TDRD9: variants seen among roughly 807,000 people sequenced by gnomAD.
TDRD9 encodes ATP-dependent RNA helicase TDRD9.
In TDRD9, 124 loss-of-function variants were observed where a neutral mutation model predicts 172.6. The observed-to-expected ratio is 0.72, with a 90% CI of 0.62 to 0.83. The LOEUF is 0.83. Among genes scored for constraint, TDRD9 ranks in the 40% least tolerant of loss-of-function variants. The pLI, the probability that TDRD9 is intolerant of heterozygous loss-of-function variation, is 0.00. For missense variants in TDRD9, 1,479 were observed against 1,714.1 expected (o/e 0.86, Z 2.42); for synonymous variants, 619 against 617.1 (o/e 1.00, Z -0.05).
At chr14:104,023,126 G>A (rs969058122) in intron 24 of TDRD9, among the ~76,000 whole-genome samples, 1 of 134,114 alleles carries the variant, frequency 7.5e-6, no homozygotes, top group Non-Finnish European at 1.5e-5. Flanking sequence ...AGGTTGCAGT[G>A]ATGAGCTGAG....
chr14:103,948,741 T>C lies in TDRD9; in HGVS notation c.216-6923T>C, dbSNP rs564281853. ...GATACTTTAGCCAGGCACTATGGAG[T>C]GTGCCTGTAGTTCCTTCTACTTAGG... is the stretch of plus-strand genomic sequence containing the variant. On this transcript the variant is annotated intron_variant, in intron 1 of 35. Coordinates refer to ENST00000409874, the MANE Select transcript of TDRD9 (RefSeq NM_153046.3). Among the ~76,000 whole-genome samples, 23 of 152,096 alleles carry C rather than the reference T, an allele frequency of 1.5e-4. No homozygotes were observed. The East Asian group carries it at 2.5e-3, about 17-fold the overall frequency.
chr14:104,051,976 A>C lies in TDRD9; in HGVS notation c.4048-5A>C, dbSNP rs771183882. 1.9e-6 allele frequency: 3 copies of C among 1,584,182 alleles called. No homozygotes were observed. In the South Asian group the frequency reaches 3.5e-5, roughly 18 times the overall value. On this transcript the variant is annotated splice_polypyrimidine_tract_variant and splice_region_variant and intron_variant, in intron 35 of 35. Coordinates refer to ENST00000409874, the MANE Select transcript of TDRD9 (RefSeq NM_153046.3). ...CCTGACTGGTCCGCTTGTCTACCCCATTAGGTTGATCCAAAGCTGGTCATG... is the reference window on the plus strand; with the variant it reads ...CCTGACTGGTCCGCTTGTCTACCCCCTTAGGTTGATCCAAAGCTGGTCATG...
At chr14:103,940,997 G>A (rs1177466783) in intron 1 of TDRD9, 1 of 1,535,376 alleles carries the variant, frequency 6.5e-7, no homozygotes, top group East Asian at 2.4e-5. Context: ...AGGTCCTCTT[G>A]CTCACTCCCT....
chr14:104,002,335 A>G (rs1166801568), intron 13 of TDRD9, among the ~76,000 whole-genome samples: 2 of 116,906 alleles, frequency 1.7e-5, no homozygotes. Flanking sequence ...AAAAAAAAAA[A>G]AAGAAAAAAA....
At chr14:103,982,426 A>AAGGTG (rs2033510265) in intron 7 of TDRD9, among the ~76,000 whole-genome samples, 1 of 152,150 alleles carries the variant, frequency 6.6e-6, no homozygotes, top group Admixed American at 6.5e-5. Flanking sequence ...GGAGAGCTCT[A>AAGGTG]GGTAAGTCCT....
chr14:103,987,028 C>T (rs1382399475), intron 8 of TDRD9, among the ~76,000 whole-genome samples: 3 of 152,060 alleles, frequency 2.0e-5, no homozygotes, highest in African/African-American at 4.8e-5. Context: ...GCAGAGGAAT[C>T]GCTTGAACCT....
Position 104,018,000 on chromosome 14 carries a change from T to C in TDRD9, c.2332-92T>C, listed in dbSNP as rs933792326. 1.6e-5 allele frequency: 12 copies of C among 740,130 alleles called. No individual in the cohort carries two copies. In the Admixed American group the frequency reaches 1.8e-4, roughly 11 times the overall value. 45.8% of individuals were successfully genotyped at this position (740,130 alleles called of 1,614,324 possible). On this transcript the variant is annotated intron_variant, in intron 22 of 35. Transcript: ENST00000409874. ...GATAGTAAACTATGTTTTTAGAAAC[T>C]AAAACAGTGTGCAGCAGCTTTGAGC...
chr14:103,968,773 G>A (rs1238427007), intron 5 of TDRD9, among the ~76,000 whole-genome samples: 2 of 21,872 alleles, frequency 9.1e-5, no homozygotes, highest in South Asian at 2.7e-3. Flanking sequence ...TCCAGCCTGG[G>A]CGACAGAGTG....
intron 1 of TDRD9, among the ~76,000 whole-genome samples, chr14:103,938,475 G>A (rs1219398706): frequency 8.5e-6 from 1 of 117,532 alleles, no homozygotes; most frequent in Non-Finnish European, 1.6e-5. Flanking sequence ...GTCTCGCTCT[G>A]TTGCGCAGGC....
chr14:103,952,728 TC>T (rs1448386791), intron 1 of TDRD9, among the ~76,000 whole-genome samples: 28 of 99,698 alleles, frequency 2.8e-4, no homozygotes, highest in African/African-American at 8.2e-4. Context: ...GAATTCTCTC[TC>T]TTTTTTTTTT....
chr14:104,007,707 C>T (rs1255978393), intron 19 of TDRD9, among the ~76,000 whole-genome samples: 1 of 150,050 alleles, frequency 6.7e-6, no homozygotes, highest in East Asian at 1.9e-4. Flanking sequence ...GTTTACAGGT[C>T]TGCCGTTTCT....
intron 8 of TDRD9, among the ~76,000 whole-genome samples, chr14:103,986,618 G>A (rs1247637569): frequency 3.9e-5 from 6 of 152,102 alleles, no homozygotes; most frequent in African/African-American, 7.2e-5. Flanking sequence ...TCTTAATGCT[G>A]GGGTAAAACT....
Position 103,941,123 on chromosome 14 carries a change from G to T in TDRD9, c.215+12399G>T, listed in dbSNP as rs539919880. The T allele has an allele frequency of 3.8e-5, 58 of 1,517,840 alleles. No homozygotes were observed. The African/African-American group carries it at 7.2e-4, about 19-fold the overall frequency. The allele number at this position is 1,517,840 out of a possible 1,614,324, so 94.0% of individuals were successfully genotyped here. The stretch of plus-strand genomic sequence containing the variant: ...CGAAATCTAGAGGGGAAATGGTAAT[G>T]AATATTCAGTTTAGAACATTTTTTG... On this transcript the variant is annotated intron_variant, in intron 1 of 35. Transcript: ENST00000409874.
At chr14:104,047,446 T>G (rs1272322216) in intron 34 of TDRD9, among the ~76,000 whole-genome samples, 2 of 152,214 alleles carry the variant, frequency 1.3e-5, no homozygotes, top group East Asian at 3.8e-4. Flanking sequence ...CTTCTTGTTT[T>G]AAGGCCTATT....
At chr14:103,988,514 C>T (rs28545507) in intron 8 of TDRD9, among the ~76,000 whole-genome samples, 7,327 of 152,084 alleles carry the variant, frequency 0.048, 338 homozygotes, top group Admixed American at 0.16. Flanking sequence ...TTTGATTGGG[C>T]TGTTTAATCC....
At chr14:104,034,230 G>C (rs1172769282) in intron 31 of TDRD9, among the ~76,000 whole-genome samples, 161 bp downstream of exon 31, 1 of 116,724 alleles carries the variant, frequency 8.6e-6, no homozygotes, top group Non-Finnish European at 1.6e-5. Flanking sequence ...TTGCTCTGTC[G>C]CCCAGGCTAG....
At chr14:103,954,204 A>C (rs1235775592) in intron 1 of TDRD9, among the ~76,000 whole-genome samples, 1 of 152,232 alleles carries the variant, frequency 6.6e-6, no homozygotes, top group Non-Finnish European at 1.5e-5. Context: ...TTTCAAAATG[A>C]TACACATTAA....
At chr14:103,976,099 C>T (rs1375740202) in intron 7 of TDRD9, among the ~76,000 whole-genome samples, 1 of 152,174 alleles carries the variant, frequency 6.6e-6, no homozygotes, top group African/African-American at 2.4e-5. Context: ...GATCAGCCTT[C>T]TTAGCGTCCA....
At position 104,034,086 on chromosome 14, in the gene TDRD9, G is replaced by A. The variant is rs2035369672; in HGVS notation, c.3619+17G>A. 2.0e-6 allele frequency: 3 copies of A among 1,500,448 alleles called. No individual in the cohort carries two copies. The highest frequency in any genetic ancestry group is 2.7e-6 in the Non-Finnish European group (3 of 1,102,210). 92.9% of individuals were successfully genotyped at this position (1,500,448 alleles called of 1,614,324 possible). ...ATGCGACTGGTAATTTAAAGATCCT[G>A]TTTATTCCTTGTCCTCTCTTTTTTC... On this transcript the variant is annotated intron_variant, in intron 31 of 35. Coordinates refer to ENST00000409874, the MANE Select transcript of TDRD9 (RefSeq NM_153046.3).
Sources: allele counts gnomAD v4.1 joint callset (sites outside exome capture counted in the v4.1 genomes callset), GRCh38; gene constraint gnomAD v4.1.1; transcripts MANE v1.5; gene names NCBI Gene and HGNC (gene_info 2026-07-23, HGNC 2026-07-21).